Variants in PDGFC observed in about 807,000 individuals in gnomAD.
PDGFC encodes platelet-derived growth factor C.
In PDGFC, 12 loss-of-function variants were observed where a neutral mutation model predicts 35.5. The observed-to-expected ratio is 0.34, with a 90% CI of 0.22 to 0.55. The LOEUF is 0.55. PDGFC is among the 20% of genes least tolerant of loss of function. The probability of loss-of-function intolerance (pLI) is 0.91; values close to 1 mark genes in which losing one functional copy is unlikely to be tolerated. For synonymous variants in PDGFC, 159 were observed against 148.8 expected (o/e 1.07, Z -0.50); for missense variants, 322 against 412.4 (o/e 0.78, Z 1.90).
chr4:156,885,679 C>T (rs1195710711), intron 1 of PDGFC, among the ~76,000 whole-genome samples: 1 of 151,942 alleles, frequency 6.6e-6, no homozygotes, highest in African/African-American at 2.4e-5. Flanking sequence ...ACTGCTTGGG[C>T]CAGGAGCTCA....
chr4:156,818,723 C>T (rs926201425), intron 2 of PDGFC, among the ~76,000 whole-genome samples: 2 of 151,860 alleles, frequency 1.3e-5, no homozygotes, highest in Non-Finnish European at 2.9e-5. Context: ...AGGATGGTCT[C>T]GATCTCCTGA....
At chr4:156,908,871 C>T (rs1477086530) in intron 1 of PDGFC, among the ~76,000 whole-genome samples, 1 of 151,936 alleles carries the variant, frequency 6.6e-6, no homozygotes, top group African/African-American at 2.4e-5. Context: ...CACAATGTGG[C>T]ATATGTATAC....
At chr4:156,862,454 C>T (rs866573167) in intron 1 of PDGFC, among the ~76,000 whole-genome samples, 1 of 152,014 alleles carries the variant, frequency 6.6e-6, no homozygotes, top group Non-Finnish European at 1.5e-5. Context: ...ATAATTCTTC[C>T]ATTTTCTCAG....
intron 1 of PDGFC, among the ~76,000 whole-genome samples, chr4:156,851,952 A>C (rs986576583): frequency 7.1e-6 from 1 of 140,460 alleles, no homozygotes; most frequent in African/African-American, 2.7e-5. Context: ...AAAAAAAAAA[A>C]AAAAATCCGT....
Position 156,971,044 on chromosome 4 carries a change from G to C in PDGFC, c.-141C>G. Reference sequence around the variant, plus strand: ...TCTGGCAGCAGAGAATCGCAGGGTAGTTTCCACATAATCCCATCCAAAACT... The same window carrying C: ...TCTGGCAGCAGAGAATCGCAGGGTACTTTCCACATAATCCCATCCAAAACT... On this transcript the variant is annotated 5_prime_UTR_variant, in exon 1 of 6. Coordinates refer to ENST00000502773, the MANE Select transcript of PDGFC (RefSeq NM_016205.3). The C allele has an allele frequency of 1.6e-6, 1 of 616,382 alleles. No individual in the cohort carries two copies. Among genetic ancestry groups the C allele is most frequent in the South Asian group, 1.9e-5 (1 of 52,342 alleles). The allele number at this position is 616,382 out of a possible 1,614,324, so 38.2% of individuals were successfully genotyped here. A position where few individuals can be genotyped will look rare whatever the true frequency, so the allele number is the denominator to read the frequency against.
intron 2 of PDGFC, 30 bp downstream of exon 2, chr4:156,850,191 A>ATTG (rs1398535821): frequency 8.5e-7 from 1 of 1,183,324 alleles, no homozygotes; most frequent in East Asian, 2.5e-5. Flanking sequence ...CAGTTGTTAC[A>ATTG]TTGTTGGGAT....
intron 2 of PDGFC, among the ~76,000 whole-genome samples, chr4:156,834,086 C>A (rs1729007087): frequency 6.6e-6 from 1 of 152,096 alleles, no homozygotes; most frequent in Non-Finnish European, 1.5e-5. Flanking sequence ...TTATTTCATA[C>A]CTTCTCTTTT....
At chr4:156,771,710 A>T (rs1251586431) in intron 4 of PDGFC, among the ~76,000 whole-genome samples, 1 of 152,240 alleles carries the variant, frequency 6.6e-6, no homozygotes, top group East Asian at 1.9e-4. Flanking sequence ...CCTTCTGACA[A>T]GGTTTAGAAG....
At chr4:156,940,521 G>A (rs1425605812) in intron 1 of PDGFC, among the ~76,000 whole-genome samples, 3 of 152,040 alleles carry the variant, frequency 2.0e-5, no homozygotes, top group Non-Finnish European at 4.4e-5. Flanking sequence ...CTATTAAAAA[G>A]GGAAATTGCC....
intron 1 of PDGFC, among the ~76,000 whole-genome samples, chr4:156,963,645 C>A (rs1732394838): frequency 6.6e-6 from 1 of 152,026 alleles, no homozygotes; most frequent in South Asian, 2.1e-4. Flanking sequence ...CAGGGAGGAG[C>A]CTACTCAGTC....
At chr4:156,812,619 G>GA (rs1312806687) in intron 2 of PDGFC, among the ~76,000 whole-genome samples, 1 of 151,936 alleles carries the variant, frequency 6.6e-6, no homozygotes, top group Non-Finnish European at 1.5e-5. Flanking sequence ...AAAAGTTGCT[G>GA]AAAAAAGACA....
At chr4:156,821,393 A>T (rs902307831) in intron 2 of PDGFC, among the ~76,000 whole-genome samples, 4 of 148,806 alleles carry the variant, frequency 2.7e-5, no homozygotes, top group African/African-American at 7.6e-5. Context: ...TCACATCTGA[A>T]TTTTTTTTTC....
chr4:156,850,442 CA>C, intron 1 of PDGFC, 26 bp from the exon 2 acceptor site: 1 of 1,382,408 alleles, frequency 7.2e-7, no homozygotes, highest in Non-Finnish European at 9.9e-7. Flanking sequence ...TAGACATAGA[CA>C]TACATTTAGA....
intron 3 of PDGFC, among the ~76,000 whole-genome samples, chr4:156,787,714 G>C (rs1283821667): frequency 6.6e-6 from 1 of 152,142 alleles, no homozygotes; most frequent in Non-Finnish European, 1.5e-5. Context: ...GTGGTCAAGA[G>C]ATGAATGAGA....
At chr4:156,834,562 G>A (rs1382279274) in intron 2 of PDGFC, among the ~76,000 whole-genome samples, 1 of 152,140 alleles carries the variant, frequency 6.6e-6, no homozygotes, top group Admixed American at 6.5e-5. Flanking sequence ...AGAAGTAGAC[G>A]ATGTTTTTGA....
At chr4:156,872,122 AT>A (rs1553971620) in intron 1 of PDGFC, among the ~76,000 whole-genome samples, 6 of 152,206 alleles carry the variant, frequency 3.9e-5, no homozygotes, top group Non-Finnish European at 1.5e-5. Context: ...TGGATTAAAA[AT>A]ATCAGCTTTG....
At chr4:156,813,637 CA>C (rs1732001267) in intron 2 of PDGFC, among the ~76,000 whole-genome samples, 1 of 151,922 alleles carries the variant, frequency 6.6e-6, no homozygotes, top group African/African-American at 2.4e-5. Context: ...GGGTGGGAAA[CA>C]AAAATCAGAT....
At chr4:156,779,968 C>G (rs1274620399) in intron 3 of PDGFC, among the ~76,000 whole-genome samples, 3 of 152,140 alleles carry the variant, frequency 2.0e-5, no homozygotes, top group African/African-American at 7.2e-5. Context: ...AGAGTCAATA[C>G]ACAGTTTCCC....
intron 3 of PDGFC, among the ~76,000 whole-genome samples, chr4:156,788,906 A>G (rs1470628682): frequency 2.0e-5 from 3 of 152,226 alleles, no homozygotes; most frequent in Non-Finnish European, 4.4e-5. Flanking sequence ...CTGGTTTTAT[A>G]TGCACTGATC....
Sources: gnomAD v4.1 joint callset for allele counts (sites outside exome capture counted in the v4.1 genomes callset) on GRCh38, gnomAD v4.1.1 for gene constraint, MANE v1.5 for transcripts, NCBI Gene and HGNC (gene_info 2026-07-23, HGNC 2026-07-21) for gene names.